Variants in RNASET2 observed in about 807,000 individuals in gnomAD.
The protein encoded by RNASET2 is ribonuclease T2.
A neutral mutation model predicts 33.9 loss-of-function variants in RNASET2; 28 were observed. The ratio of observed to expected loss-of-function variants is 0.83; its 90% confidence interval spans 0.61 to 1.13. The LOEUF (loss-of-function observed/expected upper bound fraction) is 1.13. RNASET2 is among the 50% of genes most tolerant of loss of function. RNASET2 has a pLI of 0.00. For synonymous variants in RNASET2, 123 were observed against 121.0 expected, an observed-to-expected ratio of 1.02 and a Z score of -0.11; for missense variants, 330 against 319.9, an observed-to-expected ratio of 1.03 and a Z score of -0.24.
chr6:166,955,239 GCA>G (rs771648564), intron 1 of RNASET2, among the ~76,000 whole-genome samples: 3,636 of 64,678 alleles, frequency 0.056, 93 homozygotes, highest in Middle Eastern at 0.11. Flanking sequence ...ACGCACGCAC[GCA>G]CACACACGCA....
chr6:166,930,368 T>C (rs1778390369), intron 8 of RNASET2, among the ~76,000 whole-genome samples: 3 of 150,930 alleles, frequency 2.0e-5, no homozygotes, highest in South Asian at 4.2e-4. Flanking sequence ...AACATGCCCA[T>C]ATGTGCACAC....
At chr6:166,948,263 T>C (rs370559423) in intron 3 of RNASET2, 28 of 412,710 alleles carry the variant, frequency 6.8e-5, no homozygotes, top group Admixed American at 3.6e-4. Flanking sequence ...GGAGAATCAC[T>C]TGAACCTGGG....
rs1583208247 is a variant in RNASET2, at chr6:166,923,381, A to G, written c.*6207T>C. Among the ~76,000 whole-genome samples, 1 of 150,820 alleles carries G rather than the reference A, an allele frequency of 6.6e-6. No individual in the cohort carries two copies. Among genetic ancestry groups the G allele is most frequent in the Non-Finnish European group, 1.5e-5 (1 of 67,728 alleles). On this transcript the variant is annotated 3_prime_UTR_variant, in exon 9 of 9. Transcript: ENST00000508775. Reference sequence around the variant, plus strand: ...TGGGATTGCAGACACCCGCCACCACACCCAGCTAATGTATTTTTAGTAGAG... The same window carrying G: ...TGGGATTGCAGACACCCGCCACCACGCCCAGCTAATGTATTTTTAGTAGAG...
intron 6 of RNASET2, chr6:166,934,363 T>C (rs1778517287): frequency 1.9e-6 from 1 of 539,690 alleles, no homozygotes; most frequent in Non-Finnish European, 3.3e-6. Context: ...GCAGGTACCC[T>C]TTCCAGTTCC....
At chr6:166,931,248 G>A in intron 7 of RNASET2, 130 bp from the exon 8 acceptor site, 1 of 742,206 alleles carries the variant, frequency 1.3e-6, no homozygotes. Flanking sequence ...ACCCAGCACA[G>A]GTGTGAGAAT....
chr6:166,953,723 CAA>C (rs1779041525), intron 1 of RNASET2: 1 of 152,136 alleles, frequency 6.6e-6, no homozygotes, highest in Non-Finnish European at 1.5e-5. Flanking sequence ...CCTGTCTCTA[CAA>C]AAATTAGCCA....
intron 7 of RNASET2, 24 bp downstream of exon 7, chr6:166,934,067 A>G: frequency 6.3e-7 from 1 of 1,595,434 alleles, no homozygotes; most frequent in Non-Finnish European, 8.6e-7. Context: ...GACACACGAG[A>G]AAAGAAGCAA....
chr6:166,954,176 A>G (rs1349447174), intron 1 of RNASET2, among the ~76,000 whole-genome samples: 1 of 152,118 alleles, frequency 6.6e-6, no homozygotes, highest in East Asian at 1.9e-4. Flanking sequence ...AAAGAAAGTC[A>G]AAGAAGAAAG....
At position 166,934,262 on chromosome 6, in the gene RNASET2, T is replaced by C; in HGVS notation, c.447-126A>G. 6 of 718,856 alleles carry C rather than the reference T, an allele frequency of 8.3e-6. 1 individual carries two copies. In the South Asian group the frequency reaches 9.0e-5, roughly 11 times the overall value. 44.5% of individuals were successfully genotyped at this position (718,856 alleles called of 1,614,324 possible). A position where few individuals can be genotyped will look rare whatever the true frequency, so the allele number is the denominator to read the frequency against. ...TTAAAGGAAAGTGTTTTCTATGACT[T>C]TATGCAACAAATGTGTCAACATGGA... On this transcript the variant is annotated intron_variant, in intron 6 of 8. Transcript: ENST00000508775.
At chr6:166,955,454 C>T in intron 1 of RNASET2, 1 of 984,960 alleles carries the variant, frequency 1.0e-6, no homozygotes, top group Non-Finnish European at 1.2e-6. Context: ...GGAAGGGATT[C>T]AGAACAGGAT....
intron 6 of RNASET2, among the ~76,000 whole-genome samples, chr6:166,936,382 T>C (rs1170289515): frequency 2.0e-5 from 3 of 151,864 alleles, no homozygotes; most frequent in African/African-American, 4.8e-5. Flanking sequence ...TGTCTCAGTC[T>C]GTCTAGTGTC....
At chr6:166,946,881 A>AGGAT in intron 3 of RNASET2, 142 bp from the exon 4 acceptor site, 1 of 704,684 alleles carries the variant, frequency 1.4e-6, no homozygotes, top group Non-Finnish European at 2.6e-6. Flanking sequence ...TATCCCAGGC[A>AGGAT]GGATGCTTAA....
In RNASET2 at chr6:166,934,128, A is replaced by C. The variant is rs564700188; in HGVS notation, c.455T>G (p.Leu152Arg). The C allele has an allele frequency of 6.2e-7, 1 of 1,602,226 alleles. No homozygotes were observed. The highest frequency in any genetic ancestry group is 1.3e-5 in the African/African-American group (1 of 74,848). The stretch of plus-strand genomic sequence containing the variant: ...GATGGATGGTTTTATCCCCAATTTT[A>C]GAAGCACACTAAAATTTAAATTTAA... ...YRELDLNSVL[L>R]KLGIKPSINY... Residue 152 changes from leucine to arginine, a missense_variant, in exon 7 of 9, where the codon CTA (leucine) becomes CGA (arginine). Transcript: ENST00000508775.
chr6:166,930,667 G>A (rs185241243), intron 8 of RNASET2, among the ~76,000 whole-genome samples: 34 of 131,276 alleles, frequency 2.6e-4, no homozygotes, highest in African/African-American at 8.3e-4. Context: ...CAGCACATGC[G>A]CACATGTATA....
chr6:166,943,182 T>C (rs2128645776), intron 4 of RNASET2, 93 bp from the exon 5 acceptor site: 2 of 847,692 alleles, frequency 2.4e-6, no homozygotes, highest in Non-Finnish European at 3.9e-6. Flanking sequence ...ACCAAAGAAT[T>C]GAGCTCTGCT....
At chr6:166,930,224 A>G (rs1778386288) in intron 8 of RNASET2, among the ~76,000 whole-genome samples, 1 of 152,274 alleles carries the variant, frequency 6.6e-6, no homozygotes, top group Admixed American at 6.5e-5. Context: ...TATTCTTGTT[A>G]AAGATAAGCA....
At chr6:166,949,076 T>G (rs1227664793) in intron 2 of RNASET2, among the ~76,000 whole-genome samples, 1 of 150,138 alleles carries the variant, frequency 6.7e-6, no homozygotes, top group Non-Finnish European at 1.5e-5. Context: ...TAGCTGGGCG[T>G]GGTGGCAGGC....
At chr6:166,930,247 C>T (rs1030564532) in intron 8 of RNASET2, among the ~76,000 whole-genome samples, 1 of 152,246 alleles carries the variant, frequency 6.6e-6, no homozygotes, top group African/African-American at 2.4e-5. Context: ...AAGACAAACC[C>T]TGTCCTAGCA....
chr6:166,956,049 T>A, intron 1 of RNASET2, 48 bp downstream of exon 1: 1 of 1,516,116 alleles, frequency 6.6e-7, no homozygotes. Context: ...TGGAAAGCTC[T>A]AGGGCCCGGC....
Sources: allele counts gnomAD v4.1 joint callset (sites outside exome capture counted in the v4.1 genomes callset), GRCh38; gene constraint gnomAD v4.1.1; transcripts MANE v1.5; gene names NCBI Gene and HGNC (gene_info 2026-07-23, HGNC 2026-07-21).